Variants in TENM3 observed in about 807,000 individuals in gnomAD.
TENM3 encodes the protein teneurin-3.
TENM3 carries 63 observed loss-of-function variants against 255.1 expected under a neutral mutation model. The observed-to-expected ratio is 0.25, with a 90% confidence interval of 0.20 to 0.30. The LOEUF (loss-of-function observed/expected upper bound fraction) is 0.30, where lower values mean the gene tolerates loss of function less well. Ranked by LOEUF, TENM3 falls within the 10% of genes least tolerant of loss-of-function variation. TENM3 has a pLI of 1.00. For missense variants in TENM3, 2,929 were observed against 3,461.1 expected (o/e 0.85, Z 3.86); for synonymous variants, 1,306 against 1,322.3 (o/e 0.99, Z 0.27).
chr4:182,128,758 G>T, the TENM3 span, among the ~76,000 whole-genome samples: 1 of 152,030 alleles, frequency 6.6e-6, no homozygotes, highest in Non-Finnish European at 1.5e-5. Flanking sequence ...CATTAAATAG[G>T]TAATAATTGT....
At chr4:181,750,447 T>C in the TENM3 span, among the ~76,000 whole-genome samples, 1 of 152,186 alleles carries the variant, frequency 6.6e-6, no homozygotes, top group Non-Finnish European at 1.5e-5. Context: ...TTTAGCCCTT[T>C]CTTCTGGTTT....
chr4:182,564,045 G>A (rs375031468), intron 3 of TENM3, among the ~76,000 whole-genome samples: 23 of 152,008 alleles, frequency 1.5e-4, no homozygotes, highest in African/African-American at 5.6e-4. Context: ...CTTGGATCAC[G>A]TCATCATAAA....
chr4:181,833,570 C>T, the TENM3 span, among the ~76,000 whole-genome samples: 1 of 152,300 alleles, frequency 6.6e-6, no homozygotes, highest in East Asian at 1.9e-4. Flanking sequence ...AATATGGCCC[C>T]ACCTCTCCTA....
the TENM3 span, among the ~76,000 whole-genome samples, chr4:181,769,988 CA>C: frequency 9.2e-5 from 14 of 151,966 alleles, no homozygotes; most frequent in Non-Finnish European, 1.9e-4. Context: ...AAATAAAATA[CA>C]GTTGTATTTA....
the TENM3 span, among the ~76,000 whole-genome samples, chr4:181,767,790 G>A: frequency 6.6e-6 from 1 of 152,082 alleles, no homozygotes; most frequent in Non-Finnish European, 1.5e-5. Flanking sequence ...ATCCCAAACT[G>A]CTTATCTTCA....
intron 2 of TENM3, among the ~76,000 whole-genome samples, chr4:182,342,687 G>A (rs1764556619): frequency 6.6e-6 from 1 of 152,132 alleles, no homozygotes; most frequent in Admixed American, 6.5e-5. Flanking sequence ...AAGAGACCAA[G>A]AGAGAAGGAG....
the TENM3 span, among the ~76,000 whole-genome samples, chr4:181,795,508 T>G: frequency 5.9e-5 from 9 of 152,182 alleles, no homozygotes; most frequent in Non-Finnish European, 1.2e-4. Flanking sequence ...GATGTAAACA[T>G]GCAGTCCATA....
chr4:181,884,300 T>A, the TENM3 span, among the ~76,000 whole-genome samples: 11 of 143,550 alleles, frequency 7.7e-5, no homozygotes, highest in Non-Finnish European at 6.3e-5. Flanking sequence ...TAATTTTTAT[T>A]ATAATAAATA....
At chr4:181,699,607 A>G in the TENM3 span, among the ~76,000 whole-genome samples, 3 of 152,250 alleles carry the variant, frequency 2.0e-5, no homozygotes, top group African/African-American at 4.8e-5. Context: ...TAAATTGGGA[A>G]GGAGATTTAG....
At chr4:181,448,291 C>T in the TENM3 span, among the ~76,000 whole-genome samples, 40,120 of 140,372 alleles carry the variant, frequency 0.29, 8,077 homozygotes, top group Middle Eastern at 0.47. Context: ...CTCAGCCTCC[C>T]GAGTAGAGTA....
At chr4:182,720,772 T>C (rs984970764) in intron 13 of TENM3, among the ~76,000 whole-genome samples, 3 of 150,516 alleles carry the variant, frequency 2.0e-5, no homozygotes, top group African/African-American at 7.3e-5. Flanking sequence ...CCCTCTTTTT[T>C]TTTTTTTTTT....
chr4:182,171,372 G>A (rs1752095796), intron 1 of TENM3, among the ~76,000 whole-genome samples: 1 of 152,026 alleles, frequency 6.6e-6, no homozygotes, highest in African/African-American at 2.4e-5. Flanking sequence ...TTCCCTAATA[G>A]AAACCTCTTT....
chr4:182,008,495 T>C, the TENM3 span, among the ~76,000 whole-genome samples: 1 of 151,922 alleles, frequency 6.6e-6, no homozygotes, highest in Non-Finnish European at 1.5e-5. Flanking sequence ...GTCTTCAAAC[T>C]CTGATATCCT....
the TENM3 span, among the ~76,000 whole-genome samples, chr4:181,946,522 T>G: frequency 1.3e-5 from 2 of 152,180 alleles, no homozygotes; most frequent in Non-Finnish European, 2.9e-5. Flanking sequence ...AACCTCTCAT[T>G]GCATTCATCA....
rs573832249 is a variant in TENM3 at position 182,362,448 on chromosome 4, C to T, written c.511+15519C>T. On this transcript the variant is annotated intron_variant, in intron 3 of 27. Coordinates refer to ENST00000511685, the MANE Select transcript of TENM3 (RefSeq NM_001080477.4). ...ATGGTGGTCGCCCCTCCCCCAGCCT[C>T]ACTGCCACCTTGCAGTTTGATCTCA... 3.4e-3 allele frequency among the ~76,000 whole-genome samples: 514 copies of T among 152,024 alleles called. 3 individuals carry two copies. The highest frequency in any genetic ancestry group is 9.9e-3 in the African/African-American group (410 of 41,470).
At chr4:182,368,493 C>G (rs1408123020) in intron 3 of TENM3, among the ~76,000 whole-genome samples, 1 of 152,148 alleles carries the variant, frequency 6.6e-6, no homozygotes, top group Non-Finnish European at 1.5e-5. Flanking sequence ...TCCTTACTAA[C>G]TTAGTTTCTA....
At chr4:182,173,173 C>A (rs760690099) in intron 1 of TENM3, among the ~76,000 whole-genome samples, 3 of 152,076 alleles carry the variant, frequency 2.0e-5, no homozygotes, top group Non-Finnish European at 4.4e-5. Flanking sequence ...TTTATGGAGT[C>A]AACAAATGTT....
At chr4:181,885,247 A>C in the TENM3 span, among the ~76,000 whole-genome samples, 1 of 152,180 alleles carries the variant, frequency 6.6e-6, no homozygotes, top group African/African-American at 2.4e-5. Flanking sequence ...AAAGTTCAAA[A>C]ACTTTAAAGA....
chr4:182,670,237 C>CT (rs1051238795), intron 6 of TENM3, among the ~76,000 whole-genome samples: 2 of 152,030 alleles, frequency 1.3e-5, no homozygotes, highest in African/African-American at 4.8e-5. Flanking sequence ...AGTTTATAAT[C>CT]TAAGAGTTGA....
Sources: gnomAD v4.1 joint callset for allele counts (sites outside exome capture counted in the v4.1 genomes callset) on GRCh38, gnomAD v4.1.1 for gene constraint, MANE v1.5 for transcripts, NCBI Gene and HGNC (gene_info 2026-07-23, HGNC 2026-07-21) for gene names.